FHL5: variants seen among roughly 807,000 people sequenced by gnomAD.
The protein encoded by FHL5 is four and a half LIM domains 5.
A neutral mutation model predicts 32.0 loss-of-function variants in FHL5; 33 were observed. The ratio of observed to expected loss-of-function variants is 1.03; its 90% CI spans 0.78 to 1.38. The LOEUF is 1.38. Ranked by LOEUF, FHL5 falls within the 40% of genes most tolerant of loss-of-function variation. FHL5 has a pLI of 0.00. For missense variants in FHL5, 336 were observed against 343.9 expected (o/e 0.98, Z 0.18); for synonymous variants, 114 against 113.6 (o/e 1.00, Z -0.02).
chr6:96,582,703 C>T (rs1381810039), intron 1 of FHL5, among the ~76,000 whole-genome samples: 3 of 152,102 alleles, frequency 2.0e-5, no homozygotes, highest in African/African-American at 7.2e-5. Flanking sequence ...GCAAATATGT[C>T]CCTAGAGACT....
chr6:96,607,465 T>C (rs1771309398), intron 4 of FHL5, among the ~76,000 whole-genome samples: 1 of 152,030 alleles, frequency 6.6e-6, no homozygotes, highest in African/African-American at 2.4e-5. Context: ...ATACCACTAC[T>C]GCATTTAAAG....
intron 5 of FHL5, among the ~76,000 whole-genome samples, chr6:96,614,667 G>C (rs1007125306): frequency 6.6e-6 from 1 of 152,126 alleles, no homozygotes; most frequent in African/African-American, 2.4e-5. Context: ...ATTACTGGGA[G>C]AAAACATGAA....
intron 1 of FHL5, among the ~76,000 whole-genome samples, chr6:96,602,228 C>T (rs77182239): frequency 0.026 from 3,961 of 151,968 alleles, 58 homozygotes; most frequent in Non-Finnish European, 0.031. Flanking sequence ...TTAATTGCTC[C>T]TCTGATTTTG....
intron 1 of FHL5, among the ~76,000 whole-genome samples, chr6:96,594,391 C>T (rs1770993484): frequency 6.6e-6 from 1 of 151,264 alleles, no homozygotes; most frequent in East Asian, 1.9e-4. Context: ...GGATGCACTC[C>T]TTTCTTGTCA....
intron 1 of FHL5, among the ~76,000 whole-genome samples, chr6:96,602,426 C>CTTTCTTTTTTTTTTTT (rs1771169538): frequency 5.9e-5 from 2 of 33,684 alleles, no homozygotes; most frequent in African/African-American, 8.3e-5. Flanking sequence ...TGCGTTGTTT[C>CTTTCTTTTTTTTTTTT]TTTTTTTTTT....
At chr6:96,575,161 T>C (rs1184683831) in intron 1 of FHL5, among the ~76,000 whole-genome samples, 1 of 152,196 alleles carries the variant, frequency 6.6e-6, no homozygotes, top group African/African-American at 2.4e-5. Flanking sequence ...AAAGTTAATA[T>C]ATGTATGTCT....
chr6:96,614,315 G>C (rs758175074), intron 5 of FHL5, among the ~76,000 whole-genome samples: 1 of 152,040 alleles, frequency 6.6e-6, no homozygotes, highest in African/African-American at 2.4e-5. Flanking sequence ...TTAATGTTTT[G>C]AATAACATTA....
At chr6:96,571,465 G>A (rs1770476700) in intron 1 of FHL5, among the ~76,000 whole-genome samples, 1 of 152,192 alleles carries the variant, frequency 6.6e-6, no homozygotes, top group South Asian at 2.1e-4. Flanking sequence ...CAGCTGCAGT[G>A]GCATGGGTTC....
Position 96,563,373 on chromosome 6 carries a change from A to G in FHL5, c.-13+18A>G, listed in dbSNP as rs567234709. On this transcript the variant is annotated intron_variant, in intron 1 of 5. Coordinates refer to ENST00000450218, the MANE Select transcript of FHL5 (RefSeq NM_001322466.2). ...AAGACAAAGTGAGTTCTTTCCCCCA[A>G]ATATTTCCTTTGTTTTGTTTTGTGG... The G allele has an allele frequency of 1.3e-5, 2 of 152,248 alleles. No individual in the cohort carries two copies. The highest frequency in any genetic ancestry group is 4.1e-4 in the South Asian group (2 of 4,824). 9.4% of individuals were successfully genotyped at this position (152,248 alleles called of 1,614,324 possible).
intron 1 of FHL5, among the ~76,000 whole-genome samples, chr6:96,592,517 A>G (rs969023002): frequency 1.3e-5 from 2 of 152,152 alleles, no homozygotes; most frequent in African/African-American, 4.8e-5. Flanking sequence ...CAATCATCAC[A>G]GGGTCCTGAG....
At chr6:96,581,313 G>A (rs1045704106) in intron 1 of FHL5, among the ~76,000 whole-genome samples, 1 of 152,044 alleles carries the variant, frequency 6.6e-6, no homozygotes. Flanking sequence ...TAGCCATCTT[G>A]GCTTCATAGT....
intron 1 of FHL5, among the ~76,000 whole-genome samples, chr6:96,573,241 G>A (rs1276205037): frequency 6.6e-6 from 1 of 151,992 alleles, no homozygotes; most frequent in East Asian, 1.9e-4. Flanking sequence ...ACACTAAAGA[G>A]GCTCCTATTG....
chr6:96,614,751 C>T (rs1015649596), intron 5 of FHL5, among the ~76,000 whole-genome samples: 1 of 152,214 alleles, frequency 6.6e-6, no homozygotes, highest in Non-Finnish European at 1.5e-5. Flanking sequence ...AATGTAACTT[C>T]TCAAAATCAA....
intron 3 of FHL5, 92 bp downstream of exon 3, chr6:96,605,016 C>G: frequency 1.1e-6 from 1 of 906,268 alleles, no homozygotes; most frequent in Non-Finnish European, 1.6e-6. Flanking sequence ...CTCCCAAAAC[C>G]CTGGTTTTGA....
At chr6:96,588,683 T>C (rs3860229) in intron 1 of FHL5, among the ~76,000 whole-genome samples, 35,136 of 151,840 alleles carry the variant, frequency 0.23, 4,184 homozygotes, top group Middle Eastern at 0.3. Flanking sequence ...TATTTGCTTA[T>C]TATGAGTGAA....
chr6:96,597,060 C>T (rs1434633743), intron 1 of FHL5, among the ~76,000 whole-genome samples: 3 of 152,168 alleles, frequency 2.0e-5, no homozygotes, highest in Non-Finnish European at 4.4e-5. Context: ...TGCTTCCATC[C>T]TTTCCTCATT....
At chr6:96,588,356 A>C (rs1463215131) in intron 1 of FHL5, among the ~76,000 whole-genome samples, 1 of 152,098 alleles carries the variant, frequency 6.6e-6, no homozygotes. Context: ...GATTACAGGC[A>C]TGCACCACCA....
chr6:96,590,803 G>A (rs935345133), intron 1 of FHL5, among the ~76,000 whole-genome samples: 7 of 152,138 alleles, frequency 4.6e-5, no homozygotes, highest in African/African-American at 1.4e-4. Context: ...ATTGAAGTAA[G>A]ATTTTATCAA....
intron 4 of FHL5, among the ~76,000 whole-genome samples, chr6:96,610,203 A>G (rs1247341525): frequency 6.6e-6 from 1 of 152,230 alleles, no homozygotes; most frequent in Non-Finnish European, 1.5e-5. Flanking sequence ...GAGGAAGTGA[A>G]AAAAGAACCT....
Sources: allele counts gnomAD v4.1 joint callset (sites outside exome capture counted in the v4.1 genomes callset), GRCh38; gene constraint gnomAD v4.1.1; transcripts MANE v1.5; gene names NCBI Gene and HGNC (gene_info 2026-07-23, HGNC 2026-07-21).